The following GRIN2B variants were observed in gnomAD, a reference collection of about 807,000 sequenced individuals.
The protein encoded by GRIN2B is glutamate ionotropic receptor NMDA type subunit 2B.
GRIN2B carries 5 observed loss-of-function variants against 114.5 expected under a neutral mutation model. The ratio of observed to expected loss-of-function variants is 0.04; its 90% CI spans 0.02 to 0.09. The LOEUF is 0.09. Among genes scored for constraint, GRIN2B ranks in the 10% least tolerant of loss-of-function variants. GRIN2B has a pLI of 1.00. For synonymous variants in GRIN2B, 787 were observed against 745.1 expected (o/e 1.06, Z -0.92); for missense variants, 1,108 against 1,943.5 (o/e 0.57, Z 8.08).
chr12:13,667,182 T>G (rs995917261), intron 5 of GRIN2B, among the ~76,000 whole-genome samples: 1 of 152,104 alleles, frequency 6.6e-6, no homozygotes, highest in African/African-American at 2.4e-5. Flanking sequence ...CAGACAGACA[T>G]GGAACACATG....
At position 13,852,161 on chromosome 12, in the gene GRIN2B, C is replaced by G. The variant is rs2193513; in HGVS notation, c.411+13637G>C. Reference sequence around the variant, plus strand: ...GAATCCTCAGTTCAAGACAGGCTACCCTGGCTGGCTGCACCATTGTGCTAC... The same window carrying G: ...GAATCCTCAGTTCAAGACAGGCTACGCTGGCTGGCTGCACCATTGTGCTAC... On this transcript the variant is annotated intron_variant, in intron 3 of 13. Coordinates refer to ENST00000609686, the MANE Select transcript of GRIN2B (RefSeq NM_000834.5). 3.3e-5 allele frequency among the ~76,000 whole-genome samples: 5 copies of G among 152,104 alleles called. No individual in the cohort carries two copies. In the South Asian group the frequency reaches 1.0e-3, roughly 32 times the overall value.
In GRIN2B at chr12:13,558,509, TTC is replaced by T. The variant is rs1948501129; in HGVS notation, c.*4272_*4273del. Reference sequence around the variant, plus strand: ...AAAAAAATGAACCAAAGAAACCTAGTTCTTAGTGACATGTGCAGGTGACCAGC... The same window carrying T: ...AAAAAAATGAACCAAAGAAACCTAGTTTAGTGACATGTGCAGGTGACCAGC... On this transcript the variant is annotated 3_prime_UTR_variant, in exon 14 of 14. Transcript: ENST00000609686. 1 of 150,730 alleles carries T rather than the reference TTC, an allele frequency of 6.6e-6. No homozygotes were observed. Among genetic ancestry groups the T allele is most frequent in the Admixed American group, 6.6e-5 (1 of 15,150 alleles). The allele number at this position is 150,730 out of a possible 1,614,324, so 9.3% of individuals were successfully genotyped here. A position where few individuals can be genotyped will look rare whatever the true frequency, so the allele number is the denominator to read the frequency against.
At chr12:13,669,164 C>A (rs1420526536) in intron 5 of GRIN2B, among the ~76,000 whole-genome samples, 1 of 151,964 alleles carries the variant, frequency 6.6e-6, no homozygotes, top group East Asian at 1.9e-4. Flanking sequence ...AGTTCCAGTA[C>A]TCAACACTTC....
intron 2 of GRIN2B, among the ~76,000 whole-genome samples, chr12:13,927,674 C>T (rs1866942014): frequency 6.6e-6 from 1 of 151,956 alleles, no homozygotes; most frequent in Non-Finnish European, 1.5e-5. Context: ...GAGGGTGCAG[C>T]CATATGCAGT....
At chr12:13,597,695 T>G (rs1283777267) in intron 10 of GRIN2B, among the ~76,000 whole-genome samples, 2 of 152,198 alleles carry the variant, frequency 1.3e-5, no homozygotes, top group African/African-American at 2.4e-5. Flanking sequence ...CTCGCTTTCA[T>G]AAATTCCTGC....
At chr12:13,681,549 C>T (rs1170045945) in intron 4 of GRIN2B, among the ~76,000 whole-genome samples, 10 of 152,166 alleles carry the variant, frequency 6.6e-5, no homozygotes, top group Admixed American at 2.0e-4. Context: ...AACTTTGTAT[C>T]ATGCATGTGT....
intron 2 of GRIN2B, among the ~76,000 whole-genome samples, chr12:13,976,669 T>G (rs954048196): frequency 2.0e-5 from 3 of 152,188 alleles, no homozygotes; most frequent in African/African-American, 7.2e-5. Flanking sequence ...TCTCCTTTTA[T>G]AGTCCATCAA....
intron 2 of GRIN2B, among the ~76,000 whole-genome samples, chr12:13,873,484 T>C (rs562113367): frequency 2.4e-4 from 37 of 152,356 alleles, no homozygotes; most frequent in Admixed American, 4.6e-4. Flanking sequence ...TCTGTAGAAA[T>C]AACACATAAA....
intron 4 of GRIN2B, among the ~76,000 whole-genome samples, chr12:13,682,832 C>A (rs1256203873): frequency 6.6e-6 from 1 of 152,096 alleles, no homozygotes; most frequent in East Asian, 1.9e-4. Context: ...GTGCTTTCAG[C>A]CCCCTTGGCC....
intron 8 of GRIN2B, 130 bp from the exon 9 acceptor site, chr12:13,611,980 C>A: frequency 1.1e-6 from 1 of 883,448 alleles, no homozygotes; most frequent in Non-Finnish European, 1.9e-6. Context: ...CTTCAGGAAG[C>A]CAGGGCCTAG....
intron 5 of GRIN2B, among the ~76,000 whole-genome samples, chr12:13,640,400 C>T (rs1225980871): frequency 2.0e-5 from 3 of 152,158 alleles, no homozygotes; most frequent in Non-Finnish European, 4.4e-5. Context: ...TGCTTCCATA[C>T]TGCCCCTTGC....
intron 10 of GRIN2B, among the ~76,000 whole-genome samples, chr12:13,607,391 AT>A (rs1949290175): frequency 1.1e-4 from 8 of 73,722 alleles, no homozygotes; most frequent in Non-Finnish European, 1.7e-4. Flanking sequence ...TATAATATAT[AT>A]TATATATAAT....
At chr12:13,965,196 G>C (rs970933376) in intron 2 of GRIN2B, among the ~76,000 whole-genome samples, 1 of 152,164 alleles carries the variant, frequency 6.6e-6, no homozygotes, top group Non-Finnish European at 1.5e-5. Context: ...GATCTAATAG[G>C]ATTTGTTCTT....
At chr12:13,891,201 C>A (rs1244516575) in intron 2 of GRIN2B, among the ~76,000 whole-genome samples, 1 of 152,200 alleles carries the variant, frequency 6.6e-6, no homozygotes, top group African/African-American at 2.4e-5. Context: ...ACTCAATATG[C>A]AAATGCATGT....
chr12:13,772,970 TC>T (rs1863933994), intron 3 of GRIN2B, among the ~76,000 whole-genome samples: 1 of 152,170 alleles, frequency 6.6e-6, no homozygotes, highest in South Asian at 2.1e-4. Context: ...AGGTCCATCC[TC>T]TGGAAGGGCC....
At chr12:13,824,333 T>C (rs545883367) in intron 3 of GRIN2B, among the ~76,000 whole-genome samples, 2 of 152,210 alleles carry the variant, frequency 1.3e-5, no homozygotes, top group Non-Finnish European at 2.9e-5. Context: ...ATTTTTTTCT[T>C]CTTGAGTTAA....
chr12:13,954,530 G>A (rs561619807), intron 2 of GRIN2B, among the ~76,000 whole-genome samples: 9 of 152,060 alleles, frequency 5.9e-5, no homozygotes, highest in Non-Finnish European at 8.8e-5. Context: ...GAACCACTGG[G>A]TGACATTCAT....
intron 10 of GRIN2B, among the ~76,000 whole-genome samples, chr12:13,593,614 A>C (rs1949036633): frequency 6.6e-6 from 1 of 152,248 alleles, no homozygotes; most frequent in Non-Finnish European, 1.5e-5. Context: ...CCTAGGCAAT[A>C]CCACTCAGAA....
At chr12:13,695,117 G>C (rs761023471) in intron 4 of GRIN2B, among the ~76,000 whole-genome samples, 1 of 152,152 alleles carries the variant, frequency 6.6e-6, no homozygotes, top group Non-Finnish European at 1.5e-5. Context: ...TCACCAAAGA[G>C]AGAAAACTGA....
Sources: gnomAD v4.1 joint callset for allele counts (sites outside exome capture counted in the v4.1 genomes callset) on GRCh38, gnomAD v4.1.1 for gene constraint, MANE v1.5 for transcripts, NCBI Gene and HGNC (gene_info 2026-07-23, HGNC 2026-07-21) for gene names.